Variants in GDPD5 observed in about 807,000 individuals in gnomAD.
GDPD5 encodes the protein glycerophosphodiester phosphodiesterase domain containing 5, also known as glycerophosphodiester phosphodiesterase 2.
Under a neutral mutation model 75.1 loss-of-function variants are expected in GDPD5, and 48 were observed. The ratio of observed to expected loss-of-function variants is 0.64; its 90% CI spans 0.51 to 0.81. GDPD5 has a LOEUF of 0.81. Among genes scored for constraint, GDPD5 ranks in the 40% least tolerant of loss-of-function variants. The probability of loss-of-function intolerance (pLI) is 0.00; values close to 1 mark genes in which losing one functional copy is unlikely to be tolerated. For synonymous variants in GDPD5, 336 were observed against 339.0 expected (o/e 0.99, Z 0.10); for missense variants, 706 against 822.6 (o/e 0.86, Z 1.73).
intron 14 of GDPD5, 151 bp downstream of exon 14, chr11:75,441,012 C>T (rs1461390327): frequency 2.7e-6 from 2 of 730,706 alleles, no homozygotes; most frequent in Non-Finnish European, 4.6e-6. Context: ...ATGAAACCCT[C>T]ATGCCTCAAG....
chr11:75,489,168 G>GA (rs1324727594), intron 2 of GDPD5, among the ~76,000 whole-genome samples: 13 of 108,202 alleles, frequency 1.2e-4, no homozygotes, highest in South Asian at 3.1e-4. Flanking sequence ...CCAATTTACA[G>GA]AAAAAAAAAT....
chr11:75,439,388 G>C (rs760114242), intron 15 of GDPD5: 1 of 456,348 alleles, frequency 2.2e-6, no homozygotes. Flanking sequence ...GAGAGAGGGG[G>C]AGGGGGAGAG....
At chr11:75,439,791 G>A (rs895882987) in intron 15 of GDPD5, 88 bp downstream of exon 15, 13 of 1,080,114 alleles carry the variant, frequency 1.2e-5, no homozygotes, top group African/African-American at 1.6e-5. Context: ...TGAGGCCCAG[G>A]GCTCAGGAGA....
chr11:75,483,588 C>T (rs1048963473), intron 2 of GDPD5, among the ~76,000 whole-genome samples: 1 of 152,156 alleles, frequency 6.6e-6, no homozygotes, highest in Non-Finnish European at 1.5e-5. Context: ...GCTATGTGAC[C>T]TTGGACAGGT....
chr11:75,505,647 C>G (rs557035420), intron 1 of GDPD5, among the ~76,000 whole-genome samples: 83 of 152,286 alleles, frequency 5.5e-4, no homozygotes, highest in African/African-American at 1.9e-3. Context: ...GACCAGGAAT[C>G]TGGAGCCACA....
chr11:75,471,304 A>G (rs1021571656), intron 3 of GDPD5, among the ~76,000 whole-genome samples: 4 of 152,106 alleles, frequency 2.6e-5, no homozygotes, highest in Admixed American at 2.0e-4. Flanking sequence ...GAGGTTGAAG[A>G]GATATTGCAG....
intron 16 of GDPD5, 70 bp downstream of exon 16, chr11:75,436,866 T>A: frequency 8.8e-7 from 1 of 1,132,402 alleles, no homozygotes. Flanking sequence ...TGCATACACA[T>A]CTGTTTGCAT....
At chr11:75,439,232 C>T (rs535355958) in intron 15 of GDPD5, 46 of 422,708 alleles carry the variant, frequency 1.1e-4, no homozygotes, top group South Asian at 4.7e-4. Context: ...TGCGAGGTGG[C>T]CCGGGCACAG....
intron 1 of GDPD5, among the ~76,000 whole-genome samples, chr11:75,520,004 C>T (rs72989930): frequency 0.026 from 4,027 of 152,310 alleles, 84 homozygotes; most frequent in African/African-American, 0.045. Context: ...GAAGAAAACC[C>T]AAGTCCCCAG....
intron 3 of GDPD5, among the ~76,000 whole-genome samples, chr11:75,464,486 G>A (rs1348340095): frequency 6.6e-6 from 1 of 152,082 alleles, no homozygotes; most frequent in Non-Finnish European, 1.5e-5. Flanking sequence ...TCCGTGCCTC[G>A]CCCTGGGCAA....
intron 1 of GDPD5, among the ~76,000 whole-genome samples, chr11:75,510,564 C>G (rs1282687151): frequency 6.6e-6 from 1 of 152,334 alleles, no homozygotes; most frequent in East Asian, 1.9e-4. Context: ...TTACAGGGTC[C>G]TCATGACACA....
intron 1 of GDPD5, among the ~76,000 whole-genome samples, chr11:75,520,462 T>A (rs1383457406): frequency 1.3e-5 from 2 of 152,144 alleles, no homozygotes; most frequent in Non-Finnish European, 2.9e-5. Context: ...CCAGGCACAC[T>A]GCTAGGCACT....
At chr11:75,518,130 G>A (rs980498686) in intron 1 of GDPD5, among the ~76,000 whole-genome samples, 46 of 152,358 alleles carry the variant, frequency 3.0e-4, no homozygotes, top group Admixed American at 5.9e-4. Flanking sequence ...CCAGCCCGGC[G>A]TCAGGTATGG....
intron 1 of GDPD5, chr11:75,517,315 G>A (rs1950658514): frequency 6.6e-6 from 1 of 152,170 alleles, no homozygotes; most frequent in Admixed American, 6.5e-5. Context: ...TTAGCTGCGT[G>A]TGGTGGCACT....
At chr11:75,482,597 C>T (rs575671538) in intron 2 of GDPD5, among the ~76,000 whole-genome samples, 1 of 152,340 alleles carries the variant, frequency 6.6e-6, no homozygotes, top group South Asian at 2.1e-4. Flanking sequence ...AGATTCCTTG[C>T]TTTCAGCCCC....
intron 6 of GDPD5, among the ~76,000 whole-genome samples, chr11:75,454,722 T>TAAAGAAA (rs897468901): frequency 2.6e-5 from 4 of 152,302 alleles, no homozygotes; most frequent in Admixed American, 6.5e-5. Context: ...TGTTTGTGTT[T>TAAAGAAA]AAAGAAAAAA....
chr11:75,482,427 G>T (rs991062982), intron 2 of GDPD5, among the ~76,000 whole-genome samples: 1 of 152,158 alleles, frequency 6.6e-6, no homozygotes, highest in Non-Finnish European at 1.5e-5. Flanking sequence ...GATCGAGATA[G>T]CCAGCAGCTC....
chr11:75,513,999 C>G (rs984379685), intron 1 of GDPD5, among the ~76,000 whole-genome samples: 2 of 152,186 alleles, frequency 1.3e-5, no homozygotes, highest in South Asian at 2.1e-4. Flanking sequence ...GGTTTCTCAC[C>G]TGCAAAATGA....
chr11:75,457,639 G>A (rs1949312230), intron 5 of GDPD5, 54 bp downstream of exon 5: 1 of 1,480,042 alleles, frequency 6.8e-7, no homozygotes, highest in Non-Finnish European at 9.4e-7. Context: ...CACAGGGCCA[G>A]TATCCCTTCC....
Sources: gnomAD v4.1 joint callset for allele counts (sites outside exome capture counted in the v4.1 genomes callset) on GRCh38, gnomAD v4.1.1 for gene constraint, MANE v1.5 for transcripts, NCBI Gene and HGNC (gene_info 2026-07-23, HGNC 2026-07-21) for gene names.